The following SPACA7 variants were observed in gnomAD, a reference collection of about 807,000 sequenced individuals.
SPACA7 encodes sperm acrosome associated 7.
A neutral mutation model predicts 26.3 loss-of-function variants in SPACA7; 19 were observed. That is an observed-to-expected ratio of 0.72 (90% CI 0.50 to 1.06). The LOEUF is 1.06. Among genes scored for constraint, SPACA7 ranks in the 50% least tolerant of loss-of-function variants. The pLI, the probability that SPACA7 is intolerant of heterozygous loss-of-function variation, is 0.00. For missense variants in SPACA7, 211 were observed against 229.9 expected (o/e 0.92, Z 0.53); for synonymous variants, 84 against 84.5 (o/e 0.99, Z 0.04).
chr13:112,416,310 A>G (rs368121198), intron 5 of SPACA7, among the ~76,000 whole-genome samples: 3 of 141,314 alleles, frequency 2.1e-5, no homozygotes, highest in African/African-American at 7.8e-5. Flanking sequence ...TGTTGTTGTT[A>G]CAGACTGTCA....
intron 1 of SPACA7, among the ~76,000 whole-genome samples, chr13:112,384,116 G>T (rs1363329762): frequency 6.6e-6 from 1 of 152,054 alleles, no homozygotes; most frequent in Non-Finnish European, 1.5e-5. Context: ...TAAAGTTTGG[G>T]TTTTTTCTTT....
chr13:112,382,544 G>T, intron 1 of SPACA7: 1 of 1,546,152 alleles, frequency 6.5e-7, no homozygotes, highest in Non-Finnish European at 8.7e-7. Context: ...CTATCTGGGC[G>T]ACACATGCAG....
chr13:112,390,636 G>A (rs1884827187), intron 1 of SPACA7, among the ~76,000 whole-genome samples: 1 of 152,190 alleles, frequency 6.6e-6, no homozygotes, highest in Non-Finnish European at 1.5e-5. Flanking sequence ...CATGGCAGAA[G>A]GCAAAGGAGA....
rs192958151 is a variant in SPACA7, at chr13:112,432,362, C to T, written c.446-82C>T. The T allele has an allele frequency of 1.6e-5, 19 of 1,158,178 alleles. No individual in the cohort carries two copies. In the Admixed American group the frequency reaches 3.3e-4, roughly 20 times the overall value. The allele number at this position is 1,158,178 out of a possible 1,614,324, so 71.7% of individuals were successfully genotyped here. On this transcript the variant is annotated intron_variant, in intron 5 of 6. Coordinates refer to ENST00000283550, the MANE Select transcript of SPACA7 (RefSeq NM_145248.5). ...GTGCTGCTTTGCTCAGCGCTTACGG[C>T]TCCCTGAAGTTAAAGGAAAAGTGGA...
At chr13:112,396,850 T>A (rs1885299929) in intron 2 of SPACA7, among the ~76,000 whole-genome samples, 1 of 152,180 alleles carries the variant, frequency 6.6e-6, no homozygotes, top group African/African-American at 2.4e-5. Context: ...CTCAAGCTCG[T>A]GCCTCATGAT....
At chr13:112,432,322 T>C in intron 5 of SPACA7, 122 bp from the exon 6 acceptor site, 3 of 702,982 alleles carry the variant, frequency 4.3e-6, no homozygotes, top group Non-Finnish European at 7.5e-6. Flanking sequence ...CTCACCCCGC[T>C]TGCTCTGTGC....
intron 1 of SPACA7, among the ~76,000 whole-genome samples, chr13:112,378,199 C>T (rs531500957): frequency 6.6e-6 from 1 of 152,194 alleles, no homozygotes; most frequent in South Asian, 2.1e-4. Context: ...AGCCTGGGAA[C>T]ATTGAAGGAC....
chr13:112,384,174 TTTTATATTTGATTATAAACTG>T (rs1884386232), intron 1 of SPACA7, among the ~76,000 whole-genome samples: 3 of 152,144 alleles, frequency 2.0e-5, no homozygotes, highest in African/African-American at 7.2e-5. Context: ...ATACTTAGAG[TTTTATATTTGATTATAAACTG>T]CCTTTTGAAA....
intron 5 of SPACA7, among the ~76,000 whole-genome samples, chr13:112,425,612 G>A (rs1369793902): frequency 6.6e-6 from 1 of 151,428 alleles, no homozygotes; most frequent in Non-Finnish European, 1.5e-5. Flanking sequence ...CACCAAGAGT[G>A]GAGGCAGAGA....
At chr13:112,382,333 C>A in intron 1 of SPACA7, 1 of 1,298,258 alleles carries the variant, frequency 7.7e-7, no homozygotes. Context: ...TTCTTGACCT[C>A]ATGGTCCGCC....
intron 2 of SPACA7, among the ~76,000 whole-genome samples, chr13:112,393,388 G>A (rs1263769139): frequency 6.6e-6 from 1 of 150,928 alleles, no homozygotes; most frequent in Non-Finnish European, 1.5e-5. Context: ...TGTTAGAAAC[G>A]CCCAGCGGCA....
At chr13:112,425,108 T>C (rs752910833) in intron 5 of SPACA7, among the ~76,000 whole-genome samples, 8 of 152,120 alleles carry the variant, frequency 5.3e-5, no homozygotes. Context: ...CTAGTGACCT[T>C]ACCAACAACT....
intron 5 of SPACA7, among the ~76,000 whole-genome samples, chr13:112,405,880 AT>A (rs759724421): frequency 3.9e-4 from 59 of 152,106 alleles, no homozygotes; most frequent in Non-Finnish European, 8.4e-4. Context: ...TTCGTTGTGA[AT>A]TCCAACTTTT....
At chr13:112,431,038 G>A (rs1482676864) in intron 5 of SPACA7, among the ~76,000 whole-genome samples, 1 of 152,212 alleles carries the variant, frequency 6.6e-6, no homozygotes, top group Non-Finnish European at 1.5e-5. Context: ...CACAGTTGTG[G>A]CCTCCAGGAG....
At chr13:112,381,718 G>A (rs1330355137) in intron 1 of SPACA7, among the ~76,000 whole-genome samples, 7 of 152,184 alleles carry the variant, frequency 4.6e-5, no homozygotes, top group Admixed American at 3.9e-4. Context: ...GTGGGTGGAG[G>A]GAAGCCAGTG....
In SPACA7 at chr13:112,376,430, G is replaced by T; in HGVS notation, c.45G>T (p.Leu15=). 6.2e-7 allele frequency: 1 copy of T among 1,613,910 alleles called. No homozygotes were observed. Among genetic ancestry groups the T allele is most frequent in the Non-Finnish European group, 8.5e-7 (1 of 1,179,938 alleles). The stretch of plus-strand genomic sequence containing the variant: ...ACGGGACCCTCTGCTTTGTCCTCCT[G>T]CTGTGCTGTTGGCAAGAAACTGAGC... ...QGDGTLCFVL[L]LCCWQETELR... is the part of the protein sequence containing the mutation. Residue 15 remains leucine (L), a synonymous_variant, in exon 1 of 7, where the codon CTG becomes CTT. Transcript: ENST00000283550.
chr13:112,386,034 AAGGGTGCC>A (rs1204230736), intron 1 of SPACA7, among the ~76,000 whole-genome samples: 5 of 152,226 alleles, frequency 3.3e-5, no homozygotes, highest in Non-Finnish European at 7.3e-5. Context: ...CCCTAAAATT[AAGGGTGCC>A]ATTTTATACT....
At chr13:112,380,130 C>T (rs908026530) in intron 1 of SPACA7, among the ~76,000 whole-genome samples, 18 of 152,208 alleles carry the variant, frequency 1.2e-4, no homozygotes, top group South Asian at 2.1e-4. Flanking sequence ...TAAGAACAGA[C>T]CAGGCCTGGC....
chr13:112,423,039 A>T (rs1204081120), intron 5 of SPACA7, among the ~76,000 whole-genome samples: 1 of 152,220 alleles, frequency 6.6e-6, no homozygotes, highest in African/African-American at 2.4e-5. Context: ...AGCAACTGAG[A>T]ATTACTATAT....
Sources: allele counts gnomAD v4.1 joint callset (sites outside exome capture counted in the v4.1 genomes callset), GRCh38; gene constraint gnomAD v4.1.1; transcripts MANE v1.5; gene names NCBI Gene and HGNC (gene_info 2026-07-23, HGNC 2026-07-21).